Variants in TCERG1L observed in about 807,000 individuals in gnomAD.
TCERG1L encodes the protein transcription elongation regulator 1-like protein.
Under a neutral mutation model 56.3 loss-of-function variants are expected in TCERG1L, and 37 were observed. That is an observed-to-expected ratio of 0.66 (90% CI 0.51 to 0.87). The LOEUF (loss-of-function observed/expected upper bound fraction) is 0.87, where lower values mean the gene tolerates loss of function less well. Ranked by LOEUF, TCERG1L falls within the 40% of genes least tolerant of loss-of-function variation. TCERG1L has a pLI of 0.00. For synonymous variants in TCERG1L, 324 were observed against 326.3 expected (o/e 0.99, Z 0.08); for missense variants, 799 against 774.2 (o/e 1.03, Z -0.38).
chr10:131,268,309 T>C (rs1846306539), intron 3 of TCERG1L, among the ~76,000 whole-genome samples: 1 of 152,256 alleles, frequency 6.6e-6, no homozygotes, highest in African/African-American at 2.4e-5. Context: ...GTCTCAATAA[T>C]GGGCTTTAAA....
chr10:131,207,363 G>T (rs575338354), intron 4 of TCERG1L, among the ~76,000 whole-genome samples: 1 of 152,328 alleles, frequency 6.6e-6, no homozygotes, highest in African/African-American at 2.4e-5. Context: ...TGCTGCCGAG[G>T]CTTTGCTGCC....
chr10:131,144,750 A>G (rs1483709537), intron 7 of TCERG1L, among the ~76,000 whole-genome samples: 1 of 152,198 alleles, frequency 6.6e-6, no homozygotes, highest in African/African-American at 2.4e-5. Context: ...TATCATGCTA[A>G]ATCTAAACTA....
At chr10:131,241,075 G>A (rs1350453351) in intron 4 of TCERG1L, among the ~76,000 whole-genome samples, 1 of 152,160 alleles carries the variant, frequency 6.6e-6, no homozygotes, top group Non-Finnish European at 1.5e-5. Flanking sequence ...TCAGAGAGAA[G>A]AGCTCACCCC....
chr10:131,235,525 G>A (rs150138767), intron 4 of TCERG1L, among the ~76,000 whole-genome samples: 32 of 152,214 alleles, frequency 2.1e-4, no homozygotes, highest in African/African-American at 7.2e-4. Flanking sequence ...AACTAAAAAC[G>A]ATATTGATAG....
chr10:131,306,383 A>T (rs1430460419), intron 3 of TCERG1L, among the ~76,000 whole-genome samples: 1 of 151,890 alleles, frequency 6.6e-6, no homozygotes, highest in Admixed American at 6.6e-5. Context: ...AACATAATTA[A>T]AATTGTAGGT....
Position 131,195,974 on chromosome 10 carries a change from G to A in TCERG1L, c.857-29089C>T, listed in dbSNP as rs182156883. 2.4e-3 allele frequency among the ~76,000 whole-genome samples: 362 copies of A among 152,320 alleles called. 1 individual carries two copies. The highest frequency in any genetic ancestry group is 8.3e-3 in the African/African-American group (344 of 41,570). ...CTGGTCCCCAGAACTGGGCAGCGGGGCTGGCACTGAGTGGACACGCAGAAA... is the reference window on the plus strand; with the variant it reads ...CTGGTCCCCAGAACTGGGCAGCGGGACTGGCACTGAGTGGACACGCAGAAA... On this transcript the variant is annotated intron_variant, in intron 4 of 11. Coordinates refer to ENST00000368642, the MANE Select transcript of TCERG1L (RefSeq NM_174937.4).
chr10:131,249,558 A>G (rs986931298), intron 4 of TCERG1L, among the ~76,000 whole-genome samples: 1 of 152,252 alleles, frequency 6.6e-6, no homozygotes, highest in Admixed American at 6.5e-5. Flanking sequence ...GGGTCCTTGC[A>G]GCCCAGTAGC....
chr10:131,200,638 G>T (rs148672749), intron 4 of TCERG1L, among the ~76,000 whole-genome samples: 83 of 152,250 alleles, frequency 5.5e-4, no homozygotes, highest in South Asian at 4.2e-3. Flanking sequence ...CACACTTTGG[G>T]TCTCACTCAT....
At chr10:131,243,919 G>A (rs549043192) in intron 4 of TCERG1L, among the ~76,000 whole-genome samples, 7 of 152,174 alleles carry the variant, frequency 4.6e-5, no homozygotes, top group Admixed American at 2.0e-4. Context: ...TCACAAAATC[G>A]TGAGCTACAT....
At chr10:131,116,017 T>C (rs1164031437) in intron 9 of TCERG1L, among the ~76,000 whole-genome samples, 1 of 152,088 alleles carries the variant, frequency 6.6e-6, no homozygotes, top group East Asian at 1.9e-4. Context: ...TGAAAGGCCA[T>C]TTGCGTGTTC....
At chr10:131,142,331 C>A (rs999153095) in intron 7 of TCERG1L, among the ~76,000 whole-genome samples, 4 of 152,216 alleles carry the variant, frequency 2.6e-5, no homozygotes, top group African/African-American at 9.6e-5. Context: ...TGGGTCCCCC[C>A]AAGTGCCCCG....
chr10:131,098,625 C>T lies in TCERG1L; in HGVS notation c.1486-201G>A, dbSNP rs571499410. Among the ~76,000 whole-genome samples the T allele has an allele frequency of 3.9e-5, 6 of 152,286 alleles. No homozygotes were observed. The East Asian group carries it at 1.2e-3, about 29-fold the overall frequency. ...GTCTGAATAATTAAACCTGGGTGCC[C>T]ACACGGCCCGGCATTTCTCTACATG... is the stretch of plus-strand genomic sequence containing the variant. On this transcript the variant is annotated intron_variant, in intron 10 of 11. Coordinates refer to ENST00000368642, the MANE Select transcript of TCERG1L (RefSeq NM_174937.4).
chr10:131,199,065 C>T (rs2133471585), intron 4 of TCERG1L, among the ~76,000 whole-genome samples: 1 of 152,336 alleles, frequency 6.6e-6, no homozygotes, highest in Admixed American at 6.5e-5. Context: ...CCCTGGGCCC[C>T]TCCCTGAGCC....
At chr10:131,251,996 A>T (rs2133533637) in intron 4 of TCERG1L, among the ~76,000 whole-genome samples, 1 of 152,234 alleles carries the variant, frequency 6.6e-6, no homozygotes, top group African/African-American at 2.4e-5. Flanking sequence ...TGTGAATCCG[A>T]TGGGGGACCT....
intron 7 of TCERG1L, among the ~76,000 whole-genome samples, chr10:131,142,717 T>C (rs1350642408): frequency 6.6e-6 from 1 of 152,152 alleles, no homozygotes; most frequent in East Asian, 1.9e-4. Context: ...AGTAGAGGTG[T>C]GGCCCTGGGC....
At chr10:131,107,409 C>A (rs1443471285) in intron 9 of TCERG1L, among the ~76,000 whole-genome samples, 1 of 152,132 alleles carries the variant, frequency 6.6e-6, no homozygotes, top group African/African-American at 2.4e-5. Context: ...GTCAGATAAG[C>A]CATCTCTACA....
In TCERG1L at chr10:131,177,332, T is replaced by C. The variant is rs147333241; in HGVS notation, c.857-10447A>G. On this transcript the variant is annotated intron_variant, in intron 4 of 11. Transcript: ENST00000368642. ...CTTTTCGGCCACCTGTCACAGCGGA[T>C]AAAGGCATTGCTCACAAGCTCACTA... Among the ~76,000 whole-genome samples the C allele has an allele frequency of 5.3e-5, 8 of 152,364 alleles. No individual in the cohort carries two copies. The East Asian group carries it at 1.5e-3, about 29-fold the overall frequency.
chr10:131,309,187 T>G lies in TCERG1L; in HGVS notation c.455A>C (p.Lys152Thr), dbSNP rs752150476. 1 of 1,609,984 alleles carries G rather than the reference T, an allele frequency of 6.2e-7. No homozygotes were observed. Among genetic ancestry groups the G allele is most frequent in the South Asian group, 1.1e-5 (1 of 90,672 alleles). ...CPSALATPIG[K>T]SWIDKRIPNC... is the part of the protein sequence containing the mutation. The stretch of plus-strand genomic sequence containing the variant: ...AGGAATCCTTTTGTCTATCCAACTT[T>G]TCCCAATAGGGGTTGCAAGAGCAGA... Residue 152 changes from lysine to threonine, a missense_variant, in exon 2 of 12, where the codon AAA (lysine) becomes ACA (threonine). Transcript: ENST00000368642.
intron 3 of TCERG1L, among the ~76,000 whole-genome samples, chr10:131,298,364 T>C (rs897500716): frequency 1.3e-5 from 2 of 152,208 alleles, no homozygotes; most frequent in African/African-American, 4.8e-5. Flanking sequence ...TTTCCGGATA[T>C]CCTTGTTACT....
Sources: allele counts gnomAD v4.1 joint callset (sites outside exome capture counted in the v4.1 genomes callset), GRCh38; gene constraint gnomAD v4.1.1; transcripts MANE v1.5; gene names NCBI Gene and HGNC (gene_info 2026-07-23, HGNC 2026-07-21).